Variants in KPNA4 observed in about 807,000 individuals in gnomAD.
KPNA4 encodes importin subunit alpha-3.
Under a neutral mutation model 71.3 loss-of-function variants are expected in KPNA4, and 13 were observed. That is an observed-to-expected ratio of 0.18 (90% CI 0.12 to 0.29). KPNA4 has a LOEUF of 0.29. KPNA4 is among the 10% of genes least tolerant of loss of function. KPNA4 has a pLI of 1.00. For missense variants in KPNA4, 334 were observed against 603.2 expected (o/e 0.55, Z 4.67); for synonymous variants, 189 against 195.2 (o/e 0.97, Z 0.26).
intron 7 of KPNA4, among the ~76,000 whole-genome samples, chr3:160,528,645 C>T (rs1721508433): frequency 1.3e-5 from 2 of 152,144 alleles, no homozygotes; most frequent in South Asian, 4.1e-4. Context: ...GGATTACAGG[C>T]ATGAGCCACT....
chr3:160,535,152 C>T, intron 5 of KPNA4, among the ~76,000 whole-genome samples: 1 of 152,186 alleles, frequency 6.6e-6, no homozygotes, highest in East Asian at 1.9e-4. Flanking sequence ...TCTGAAGAAT[C>T]TGACTTTATA....
chr3:160,547,601 G>A (rs1721949426), intron 1 of KPNA4, among the ~76,000 whole-genome samples: 1 of 151,868 alleles, frequency 6.6e-6, no homozygotes. Flanking sequence ...ATTTACATTA[G>A]GGTTCATTCT....
intron 5 of KPNA4, among the ~76,000 whole-genome samples, chr3:160,534,714 C>T (rs2108553380): frequency 2.7e-5 from 1 of 37,274 alleles, no homozygotes; most frequent in East Asian, 3.6e-4. Context: ...GAGACTCCAT[C>T]TCAGAAAAAA....
At chr3:160,514,813 C>A in intron 12 of KPNA4, 2 of 396,244 alleles carry the variant, frequency 5.0e-6, no homozygotes, top group Admixed American at 2.9e-5. Context: ...CTACTTTTGA[C>A]AAAATAATGG....
At position 160,545,447 on chromosome 3, in the gene KPNA4, A is replaced by G. The variant is rs76539682; in HGVS notation, c.70-8607T>C. Among the ~76,000 whole-genome samples the G allele has an allele frequency of 1.4e-4, 22 of 152,348 alleles. No individual in the cohort carries two copies. In the East Asian group the frequency reaches 4.1e-3, roughly 28 times the overall value. On this transcript the variant is annotated intron_variant, in intron 1 of 16. Coordinates refer to ENST00000334256, the MANE Select transcript of KPNA4 (RefSeq NM_002268.5). ...CATTTATTGCATTTTAGTGTGAAAG[A>G]CTGTAAATAAAGTTAAAATGTATAG...
At position 160,509,837 on chromosome 3, in the gene KPNA4, GC is replaced by G. The variant is rs1560044377; in HGVS notation, c.1171del (p.Ala391ProfsTer2). ...TCCACTAATTGTTAAGTTACTTATG[GC>G]CCAAGCAGCTTCTTTTTGAGTGCCA... is the stretch of plus-strand genomic sequence containing the variant. ...DFGTQKEAAWAISNLTISGRK... is the reference protein window; with the variant it reads ...DFGTQKEAAWXISNLTISGRK... On this transcript the variant is annotated frameshift_variant, in exon 14 of 17. Coordinates refer to ENST00000334256, the MANE Select transcript of KPNA4 (RefSeq NM_002268.5). LOFTEE classifies it high-confidence loss of function. 1 of 1,612,132 alleles carries G rather than the reference GC, an allele frequency of 6.2e-7. No individual in the cohort carries two copies. Among genetic ancestry groups the G allele is most frequent in the East Asian group, 2.2e-5 (1 of 44,734 alleles).
chr3:160,521,644 T>C (rs1194007872), intron 11 of KPNA4, 135 bp downstream of exon 11: 2 of 801,938 alleles, frequency 2.5e-6, no homozygotes, highest in African/African-American at 3.5e-5. Flanking sequence ...TATTATTTAT[T>C]TTCCCCTTTC....
chr3:160,561,440 C>T (rs1479488981), intron 1 of KPNA4, among the ~76,000 whole-genome samples: 1 of 152,018 alleles, frequency 6.6e-6, no homozygotes, highest in Admixed American at 6.6e-5. Flanking sequence ...TCTTCTACAA[C>T]ACTGTAAGAA....
At chr3:160,555,182 A>ACC (rs1722112017) in intron 1 of KPNA4, among the ~76,000 whole-genome samples, 2 of 151,850 alleles carry the variant, frequency 1.3e-5, no homozygotes, top group Admixed American at 1.3e-4. Flanking sequence ...GTGGGGAAAA[A>ACC]CCCCCACACA....
chr3:160,526,156 G>C, intron 8 of KPNA4, 49 bp from the exon 9 acceptor site: 2 of 1,343,612 alleles, frequency 1.5e-6, no homozygotes, highest in Non-Finnish European at 2.0e-6. Context: ...CTGACAGTAA[G>C]CATTTTCAGA....
chr3:160,515,384 T>C (rs1721190082), intron 12 of KPNA4, 68 bp downstream of exon 12: 34 of 1,365,730 alleles, frequency 2.5e-5, no homozygotes, highest in Non-Finnish European at 3.4e-5. Flanking sequence ...TCTAAGACTC[T>C]AATTTTACAA....
intron 16 of KPNA4, among the ~76,000 whole-genome samples, chr3:160,504,555 C>T (rs985459904): frequency 3.3e-5 from 5 of 152,114 alleles, no homozygotes; most frequent in Admixed American, 3.3e-4. Context: ...TTGTTTTTGG[C>T]CATGAAATAA....
Position 160,530,895 on chromosome 3 carries a change from T to C in KPNA4, c.429A>G (p.Ala143=), listed in dbSNP as rs1283238713. The change falls in exon 7 of 17, where the codon GCA becomes GCG. Residue 143 remains alanine (A), a synonymous_variant. Coordinates refer to ENST00000334256, the MANE Select transcript of KPNA4 (RefSeq NM_002268.5). ...CTTGAGTTTGTTCAGAAGTTCCAGA[T>C]GCAATGTTTGTCAAAGCCCATGCAG... ...FEAAWALTNI[A]SGTSEQTQAV... 2 of 1,612,914 alleles carry C rather than the reference T, an allele frequency of 1.2e-6. No homozygotes were observed. Among genetic ancestry groups the C allele is most frequent in the South Asian group, 2.2e-5 (2 of 90,822 alleles).
In KPNA4 at chr3:160,549,762, T is replaced by C. The variant is rs139636534; in HGVS notation, c.70-12922A>G. On this transcript the variant is annotated intron_variant, in intron 1 of 16. Transcript: ENST00000334256. ...GGATATTCAGAGTCCTTGTGGTACC[T>C]TATGAAGACTGCTTTTCCATTTCTG... is the stretch of plus-strand genomic sequence containing the variant. Among the ~76,000 whole-genome samples, 205 of 152,342 alleles carry C rather than the reference T, an allele frequency of 1.3e-3. 1 individual carries two copies. Among genetic ancestry groups the C allele is most frequent in the African/African-American group, 4.5e-3 (188 of 41,578 alleles).
chr3:160,544,153 C>T (rs536843201), intron 1 of KPNA4, among the ~76,000 whole-genome samples: 14 of 152,308 alleles, frequency 9.2e-5, no homozygotes, highest in East Asian at 1.9e-4. Flanking sequence ...CCACTGTGCC[C>T]GGCCTCCTTG....
intron 1 of KPNA4, among the ~76,000 whole-genome samples, chr3:160,561,392 C>T (rs1324174592): frequency 3.3e-5 from 5 of 152,026 alleles, no homozygotes; most frequent in African/African-American, 9.7e-5. Flanking sequence ...TATATACCCT[C>T]TTTTCTATGG....
At chr3:160,548,710 T>C (rs1721979970) in intron 1 of KPNA4, among the ~76,000 whole-genome samples, 1 of 152,208 alleles carries the variant, frequency 6.6e-6, no homozygotes, top group Non-Finnish European at 1.5e-5. Context: ...TAAATAACCT[T>C]TTGCTTCCAC....
chr3:160,521,632 C>A lies in KPNA4; in HGVS notation c.903+147G>T, dbSNP rs970849610. 9.4e-6 allele frequency: 7 copies of A among 745,956 alleles called. No homozygotes were observed. The South Asian group carries it at 1.0e-4, about 11-fold the overall frequency. 46.2% of individuals were successfully genotyped at this position (745,956 alleles called of 1,614,324 possible). Reference sequence around the variant, plus strand: ...AGAAATTAGTAATCTACAATGGCATCTTATTATTTATTTTCCCCTTTCCAT... The same window carrying A: ...AGAAATTAGTAATCTACAATGGCATATTATTATTTATTTTCCCCTTTCCAT... On this transcript the variant is annotated intron_variant, in intron 11 of 16. Coordinates refer to ENST00000334256, the MANE Select transcript of KPNA4 (RefSeq NM_002268.5).
In KPNA4 at chr3:160,535,754, G is replaced by T. The variant is rs1053303714; in HGVS notation, c.204+54C>A. ...CACCTTAAAATTCTCTTATTAATGT[G>T]AAATCTTTCACTCGTACTTTTAAGT... On this transcript the variant is annotated intron_variant, in intron 3 of 16. Transcript: ENST00000334256. 7 of 1,564,486 alleles carry T rather than the reference G, an allele frequency of 4.5e-6. No individual in the cohort carries two copies. In the Admixed American group the frequency reaches 1.6e-4, roughly 35 times the overall value.
Sources: allele counts gnomAD v4.1 joint callset (sites outside exome capture counted in the v4.1 genomes callset), GRCh38; gene constraint gnomAD v4.1.1; transcripts MANE v1.5; gene names NCBI Gene and HGNC (gene_info 2026-07-23, HGNC 2026-07-21).